Variants in RFX8 observed in about 807,000 individuals in gnomAD.
The protein encoded by RFX8 is DNA-binding protein RFX8.
In RFX8, 46 loss-of-function variants were observed where a neutral mutation model predicts 54.6. The ratio of observed to expected loss-of-function variants is 0.84; its 90% CI spans 0.67 to 1.08. The LOEUF (loss-of-function observed/expected upper bound fraction) is 1.08. Among genes scored for constraint, RFX8 ranks in the 50% least tolerant of loss-of-function variants. The pLI is 0.00. For synonymous variants in RFX8, 192 were observed against 209.5 expected, an observed-to-expected ratio of 0.92 and a Z score of 0.72; for missense variants, 536 against 562.3, an observed-to-expected ratio of 0.95 and a Z score of 0.47.
chr2:101,472,534 T>C (rs1027120653), intron 1 of RFX8, among the ~76,000 whole-genome samples: 2 of 152,236 alleles, frequency 1.3e-5, no homozygotes, highest in South Asian at 2.1e-4. Flanking sequence ...CCTATAGGGA[T>C]AGGAACTTGT....
intron 9 of RFX8, 55 bp from the exon 10 acceptor site, chr2:101,406,112 T>C (rs2104526892): frequency 3.9e-6 from 4 of 1,029,112 alleles, no homozygotes; most frequent in South Asian, 1.5e-5. Flanking sequence ...TCAAGAAGCA[T>C]AGTATGTTTT....
At chr2:101,404,307 T>C (rs1012096700) in intron 10 of RFX8, among the ~76,000 whole-genome samples, 2 of 152,226 alleles carry the variant, frequency 1.3e-5, no homozygotes, top group African/African-American at 4.8e-5. Flanking sequence ...TCGTCTTTCC[T>C]ATTTAACCTT....
intron 2 of RFX8, among the ~76,000 whole-genome samples, chr2:101,462,357 G>C (rs1192235883): frequency 2.0e-5 from 3 of 152,146 alleles, no homozygotes; most frequent in Admixed American, 2.0e-4. Flanking sequence ...TGGAGCCCAG[G>C]AGGCAGAGGT....
intron 4 of RFX8, among the ~76,000 whole-genome samples, chr2:101,420,496 TC>T (rs1686803711): frequency 2.0e-5 from 3 of 151,798 alleles, no homozygotes; most frequent in African/African-American, 7.3e-5. Flanking sequence ...TGAGCCGAGA[TC>T]GCACCACTGA....
intron 1 of RFX8, chr2:101,474,399 G>C: frequency 2.6e-6 from 1 of 381,750 alleles, no homozygotes; most frequent in Non-Finnish European, 4.6e-6. Flanking sequence ...CGCGCGGGGG[G>C]CGCGCGGGGC....
intron 2 of RFX8, among the ~76,000 whole-genome samples, chr2:101,453,544 A>G (rs1573463115): frequency 6.6e-6 from 1 of 152,178 alleles, no homozygotes; most frequent in African/African-American, 2.4e-5. Context: ...AGTGCATCGC[A>G]CTCTAGCCTA....
chr2:101,399,343 G>T (rs922296622), intron 11 of RFX8, among the ~76,000 whole-genome samples: 1 of 152,154 alleles, frequency 6.6e-6, no homozygotes, highest in African/African-American at 2.4e-5. Flanking sequence ...GTAACTTTTT[G>T]GTGTGATTGT....
intron 2 of RFX8, among the ~76,000 whole-genome samples, chr2:101,428,508 A>G (rs943233489): frequency 2.6e-5 from 4 of 152,180 alleles, no homozygotes; most frequent in African/African-American, 9.7e-5. Context: ...CATCCTGTCA[A>G]TGGTAATTTG....
intron 2 of RFX8, among the ~76,000 whole-genome samples, chr2:101,432,400 G>A (rs1055504796): frequency 2.6e-5 from 4 of 152,180 alleles, no homozygotes; most frequent in Admixed American, 2.6e-4. Flanking sequence ...CAGATTCAGA[G>A]GAGTGAACAC....
At chr2:101,428,355 C>A (rs183696015) in intron 2 of RFX8, among the ~76,000 whole-genome samples, 1 of 152,322 alleles carries the variant, frequency 6.6e-6, no homozygotes, top group Non-Finnish European at 1.5e-5. Context: ...GAGATTAGTG[C>A]TTGCTCCCTC....
intron 4 of RFX8, chr2:101,421,237 A>T (rs1686845668): frequency 2.0e-6 from 2 of 985,264 alleles, no homozygotes; most frequent in Non-Finnish European, 2.4e-6. Flanking sequence ...ACTGCAGAAG[A>T]TGAAACTCAG....
In RFX8 at chr2:101,446,723, G is replaced by A. The variant is rs547189042; in HGVS notation, c.72+20054C>T. Among the ~76,000 whole-genome samples, 224 of 150,432 alleles carry A rather than the reference G, an allele frequency of 1.5e-3. 1 individual carries two copies. Among genetic ancestry groups the A allele is most frequent in the African/African-American group, 5.2e-3 (211 of 40,766 alleles). On this transcript the variant is annotated intron_variant, in intron 2 of 11. Transcript: ENST00000428343. ...ATGGTCTCTCCCCTCTGAGTGCCGA[G>A]TGCCTGCCTAGTTACTTGTTTTCCT...
intron 10 of RFX8, among the ~76,000 whole-genome samples, chr2:101,404,868 G>A (rs1685640122): frequency 6.6e-6 from 1 of 152,226 alleles, no homozygotes; most frequent in African/African-American, 2.4e-5. Flanking sequence ...TATGGCAGCT[G>A]ATAGCAGCAG....
intron 2 of RFX8, among the ~76,000 whole-genome samples, chr2:101,436,707 T>C (rs536238407): frequency 5.3e-5 from 8 of 152,258 alleles, no homozygotes; most frequent in African/African-American, 1.9e-4. Flanking sequence ...AGAGATGGCA[T>C]TCGTAAAAGT....
chr2:101,410,617 A>T lies in RFX8; in HGVS notation c.813+2T>A. ...TTTTTTTTTTAAGTCACAGCTTCCT[A>T]CCTGGAACACAAATGCTTGGAGATG... is the stretch of plus-strand genomic sequence containing the variant. On this transcript the variant is annotated splice_donor_variant, in intron 9 of 11. Transcript: ENST00000428343. LOFTEE classifies it high-confidence loss of function. 1 of 1,486,348 alleles carries T rather than the reference A, an allele frequency of 6.7e-7. No individual in the cohort carries two copies. The allele number at this position is 1,486,348 out of a possible 1,614,324, so 92.1% of individuals were successfully genotyped here.
chr2:101,466,405 GA>G (rs1689576586), intron 2 of RFX8, among the ~76,000 whole-genome samples: 1 of 152,032 alleles, frequency 6.6e-6, no homozygotes, highest in African/African-American at 2.4e-5. Context: ...TCAGTTGTCT[GA>G]CATCACAAAG....
intron 2 of RFX8, among the ~76,000 whole-genome samples, chr2:101,452,927 A>G (rs1688774505): frequency 6.6e-6 from 1 of 151,976 alleles, no homozygotes; most frequent in African/African-American, 2.4e-5. Flanking sequence ...CAACATGGTG[A>G]AACCCCGTCT....
chr2:101,429,871 A>C (rs1687390666), intron 2 of RFX8, among the ~76,000 whole-genome samples: 1 of 152,186 alleles, frequency 6.6e-6, no homozygotes, highest in Non-Finnish European at 1.5e-5. Flanking sequence ...GGTGGGAGTC[A>C]GAGGGGAGGT....
intron 1 of RFX8, among the ~76,000 whole-genome samples, chr2:101,472,303 T>C (rs1420666464): frequency 6.6e-6 from 1 of 152,192 alleles, no homozygotes; most frequent in East Asian, 1.9e-4. Flanking sequence ...GGTTTCACCA[T>C]GTTAGCCAGG....
Sources: allele counts gnomAD v4.1 joint callset (sites outside exome capture counted in the v4.1 genomes callset), GRCh38; gene constraint gnomAD v4.1.1; transcripts MANE v1.5; gene names NCBI Gene and HGNC (gene_info 2026-07-23, HGNC 2026-07-21).